PRKG2: variants seen among roughly 807,000 people sequenced by gnomAD.
PRKG2 encodes protein kinase cGMP-dependent 2, also known as cGMP-dependent protein kinase 2.
In PRKG2, 33 loss-of-function variants were observed where a neutral mutation model predicts 97.2. That is an observed-to-expected ratio of 0.34 (90% CI 0.26 to 0.45). The LOEUF is 0.45. Ranked by LOEUF, PRKG2 falls within the 20% of genes least tolerant of loss-of-function variation. PRKG2 has a pLI of 1.00. For synonymous variants in PRKG2, 330 were observed against 321.8 expected (o/e 1.03, Z -0.27); for missense variants, 638 against 900.0 (o/e 0.71, Z 3.73).
At chr4:81,217,097 C>T (rs1466284379), upstream of PRKG2, among the ~76,000 whole-genome samples, 1 of 146,858 alleles carries the variant, frequency 6.8e-6, no homozygotes, top group Non-Finnish European at 1.5e-5. Context: ...AATCCAATCA[C>T]CCCTTAATGG....
chr4:81,124,341 T>C (rs1390958861), intron 14 of PRKG2, among the ~76,000 whole-genome samples: 2 of 151,930 alleles, frequency 1.3e-5, no homozygotes, highest in African/African-American at 2.4e-5. Context: ...TAAGACTTTA[T>C]GTTTGTTTTT....
chr4:81,159,043 G>A (rs1054313444), intron 6 of PRKG2, among the ~76,000 whole-genome samples: 3 of 152,062 alleles, frequency 2.0e-5, no homozygotes, highest in Non-Finnish European at 4.4e-5. Context: ...TCGGGACATA[G>A]GCATGGGCAA....
chr4:81,173,866 T>C (rs1438039612), intron 3 of PRKG2: 2 of 152,046 alleles, frequency 1.3e-5, no homozygotes, highest in African/African-American at 4.8e-5. Flanking sequence ...ACCATCATTG[T>C]TGTCAACAAC....
intron 6 of PRKG2, among the ~76,000 whole-genome samples, chr4:81,157,307 C>T (rs1389012812): frequency 1.7e-4 from 25 of 150,826 alleles, no homozygotes; most frequent in African/African-American, 2.7e-4. Context: ...AACACCTCTA[C>T]GCAAATAAAC....
intron 14 of PRKG2, among the ~76,000 whole-genome samples, chr4:81,114,706 CA>C (rs1744333802): frequency 6.6e-6 from 1 of 152,156 alleles, no homozygotes; most frequent in African/African-American, 2.4e-5. Context: ...CACCTACCAA[CA>C]GTTTAATAAC....
Position 81,204,993 on chromosome 4 carries a change from C to T in PRKG2, c.55G>A (p.Gly19Arg), listed in dbSNP as rs192577898. 76 of 1,614,026 alleles carry T rather than the reference C, an allele frequency of 4.7e-5. No homozygotes were observed. In the East Asian group the frequency reaches 8.0e-4, roughly 17 times the overall value. ...CGCAGAGCATCAGTGGTGAGGTTCC[C>T]AGAGTGTCCATCTGGGTGCTTAGAA... ...KHSKHPDGHSGNLTTDALRNK... is the reference protein window; with the variant it reads ...KHSKHPDGHSRNLTTDALRNK... The change falls in exon 2 of 19, where the codon GGG becomes AGG. Residue 19 changes from glycine (G) to arginine (R), a missense_variant. By Grantham distance (125) the Gly-to-Arg change is moderately radical. Transcript: ENST00000264399.
chr4:81,098,290 G>C (rs72871754), intron 17 of PRKG2, among the ~76,000 whole-genome samples: 6,907 of 151,066 alleles, frequency 0.046, 545 homozygotes, highest in East Asian at 0.34. Flanking sequence ...TCCTCAGCCT[G>C]CAGCCTATTG....
chr4:81,107,170 A>T (rs1431045138), intron 15 of PRKG2, among the ~76,000 whole-genome samples: 1 of 152,136 alleles, frequency 6.6e-6, no homozygotes, highest in Non-Finnish European at 1.5e-5. Context: ...TGGTGTGCAG[A>T]GCGGGTTATG....
At chr4:81,126,700 C>A (rs1378823581) in intron 14 of PRKG2, among the ~76,000 whole-genome samples, 1 of 152,112 alleles carries the variant, frequency 6.6e-6, no homozygotes, top group African/African-American at 2.4e-5. Context: ...TGTTCCTCTC[C>A]TTTGCCCACT....
At chr4:81,140,973 CT>C (rs925586498) in intron 11 of PRKG2, among the ~76,000 whole-genome samples, 1 of 151,696 alleles carries the variant, frequency 6.6e-6, no homozygotes, top group Non-Finnish European at 1.5e-5. Flanking sequence ...CTAGAATTGC[CT>C]TTTTTTATTA....
chr4:81,176,194 C>T (rs1750909279), intron 2 of PRKG2, among the ~76,000 whole-genome samples: 1 of 152,088 alleles, frequency 6.6e-6, no homozygotes, highest in South Asian at 2.1e-4. Flanking sequence ...TGAGAAGTTC[C>T]ATCTAATCTA....
chr4:81,098,872 C>T (rs960022547), intron 17 of PRKG2, among the ~76,000 whole-genome samples: 4 of 152,180 alleles, frequency 2.6e-5, no homozygotes, highest in African/African-American at 9.7e-5. Flanking sequence ...AACACAGACA[C>T]ACAAAGTGAG....
intron 17 of PRKG2, among the ~76,000 whole-genome samples, chr4:81,101,749 GA>G (rs540772118): frequency 3.8e-4 from 49 of 130,244 alleles, no homozygotes; most frequent in Admixed American, 1.1e-3. Flanking sequence ...ATAGAAAAAA[GA>G]AAAAAAAAAC....
chr4:81,092,487 AG>A, intron 17 of PRKG2, 35 bp from the exon 18 acceptor site: 1 of 990,390 alleles, frequency 1.0e-6, no homozygotes, highest in Non-Finnish European at 1.5e-6. Context: ...GAAGGAAGGA[AG>A]GAAGGAAGGA....
chr4:81,152,830 A>C (rs1176388178), intron 7 of PRKG2, among the ~76,000 whole-genome samples: 5 of 152,212 alleles, frequency 3.3e-5, no homozygotes, highest in Non-Finnish European at 2.9e-5. Flanking sequence ...CTAGTGTTGA[A>C]GAGTTTCAGA....
rs566482239 is a variant in PRKG2, at chr4:81,109,329, A to G, written c.1940+1119T>C. Among the ~76,000 whole-genome samples the G allele has an allele frequency of 2.9e-3, 446 of 152,268 alleles. 1 individual carries two copies. Among genetic ancestry groups the G allele is most frequent in the African/African-American group, 0.01 (421 of 41,560 alleles). On this transcript the variant is annotated intron_variant, in intron 15 of 18. Transcript: ENST00000264399. Reference sequence around the variant, plus strand: ...TTAAGACTTGTATCTTCACCAATAGACTCGTTCTAGTATTTCTTAAACCAT... The same window carrying G: ...TTAAGACTTGTATCTTCACCAATAGGCTCGTTCTAGTATTTCTTAAACCAT...
At chr4:81,201,000 G>A (rs185107691) in intron 2 of PRKG2, among the ~76,000 whole-genome samples, 1 of 152,162 alleles carries the variant, frequency 6.6e-6, no homozygotes, top group East Asian at 1.9e-4. Context: ...TCCACATTGT[G>A]CCCACCTCAA....
chr4:81,155,669 C>T (rs1042476637), intron 6 of PRKG2, among the ~76,000 whole-genome samples: 4 of 151,716 alleles, frequency 2.6e-5, no homozygotes, highest in Admixed American at 6.6e-5. Context: ...ATGTTAAGGG[C>T]AGCCAGAGAG....
chr4:81,199,103 A>G (rs1753137127), intron 2 of PRKG2, among the ~76,000 whole-genome samples: 1 of 152,190 alleles, frequency 6.6e-6, no homozygotes, highest in Admixed American at 6.5e-5. Context: ...TCCAACTGGT[A>G]AAAGCCTGTA....
Sources: gnomAD v4.1 joint callset for allele counts (sites outside exome capture counted in the v4.1 genomes callset) on GRCh38, gnomAD v4.1.1 for gene constraint, MANE v1.5 for transcripts, NCBI Gene and HGNC (gene_info 2026-07-23, HGNC 2026-07-21) for gene names.